Variants in RAD21L1 observed in about 807,000 individuals in gnomAD.
RAD21L1 encodes double-strand-break repair protein rad21-like protein 1.
Under a neutral mutation model 69.0 loss-of-function variants are expected in RAD21L1, and 47 were observed. That is an observed-to-expected ratio of 0.68 (90% CI 0.54 to 0.87). The LOEUF is 0.87. Ranked by LOEUF, RAD21L1 falls within the 40% of genes least tolerant of loss-of-function variation. RAD21L1 has a pLI of 0.00. For synonymous variants in RAD21L1, 177 were observed against 205.8 expected (o/e 0.86, Z 1.20); for missense variants, 583 against 647.6 (o/e 0.90, Z 1.08).
chr20:1,250,260 C>A (rs203528), intron 13 of RAD21L1, among the ~76,000 whole-genome samples: 85,398 of 146,036 alleles, frequency 0.58, 25,005 homozygotes, highest in African/African-American at 0.74. Flanking sequence ...TTCTTTTTTT[C>A]TTTTTTATTA....
chr20:1,239,537 G>A (rs1345280539), intron 7 of RAD21L1, 130 bp downstream of exon 7: 1 of 567,324 alleles, frequency 1.8e-6, no homozygotes, highest in Admixed American at 3.4e-5. Flanking sequence ...CTGTTAGTCT[G>A]ACTGTAGACA....
chr20:1,244,104 G>T lies in RAD21L1; in HGVS notation c.1242G>T (p.Trp414Cys), dbSNP rs1403067252. Reference protein sequence around the residue: ...YQQELSKPQTWKDVIGGSQHS... With the variant: ...YQQELSKPQTCKDVIGGSQHS... ...AAGAGTTAAGTAAACCCCAAACTTG[G>T]AAGGATGTGATTGGTGGATCTCAGC... Residue 414 changes from tryptophan (W) to cysteine (C), a missense_variant, in exon 11 of 14, where the codon TGG becomes TGT. Coordinates refer to ENST00000683101, the MANE Select transcript of RAD21L1 (RefSeq NM_001384355.1). 6.5e-7 allele frequency: 1 copy of T among 1,549,462 alleles called. No homozygotes were observed. The highest frequency in any genetic ancestry group is 1.4e-5 in the African/African-American group (1 of 72,982).
chr20:1,246,411 T>G lies in RAD21L1; in HGVS notation c.1401+106T>G. On this transcript the variant is annotated intron_variant, in intron 12 of 13. Coordinates refer to ENST00000683101, the MANE Select transcript of RAD21L1 (RefSeq NM_001384355.1). The surrounding 1 kb of genome is among the most constrained non-coding windows in gnomAD (Gnocchi z 4.6). The stretch of plus-strand genomic sequence containing the variant: ...CTTTTATAGCTGTCATGTTACTTTC[T>G]AAATTTATAATTTAAATTTGTGATT... 2.2e-6 allele frequency: 1 copy of G among 445,814 alleles called. No individual in the cohort carries two copies. Among genetic ancestry groups the G allele is most frequent in the Admixed American group, 4.4e-5 (1 of 22,874 alleles). The allele number at this position is 445,814 out of a possible 1,614,324, so 27.6% of individuals were successfully genotyped here.
At chr20:1,227,264 A>G (rs1389920338) in intron 1 of RAD21L1, among the ~76,000 whole-genome samples, 3 of 152,244 alleles carry the variant, frequency 2.0e-5, no homozygotes, top group Admixed American at 6.5e-5. Flanking sequence ...TAAAAAGATA[A>G]ATAGGAATTT....
chr20:1,241,614 G>C (rs951305308), intron 8 of RAD21L1, among the ~76,000 whole-genome samples: 1 of 152,104 alleles, frequency 6.6e-6, no homozygotes, highest in African/African-American at 2.4e-5. Context: ...TCCAAAGTTT[G>C]GGGGAGGGGT....
In RAD21L1 at chr20:1,242,730, T is replaced by C; in HGVS notation, c.968T>C (p.Met323Thr). 3 of 1,551,696 alleles carry C rather than the reference T, an allele frequency of 1.9e-6. No individual in the cohort carries two copies. Among genetic ancestry groups the C allele is most frequent in the East Asian group, 2.4e-5 (1 of 40,922 alleles). Residue 323 changes from methionine to threonine, a missense_variant, in exon 9 of 14, where the codon ATG (methionine) becomes ACG (threonine). Met to Thr is a moderately conservative substitution (Grantham distance 81, BLOSUM62 -1). Coordinates refer to ENST00000683101, the MANE Select transcript of RAD21L1 (RefSeq NM_001384355.1). ...KQLTSFADTL[M>T]VLELAPPTQR... ...CTTACTTCCTTTGCGGACACACTCA[T>C]GGTTTTGGAACTTGCACCTCCTACC...
At chr20:1,238,681 G>A (rs2087547581) in intron 6 of RAD21L1, among the ~76,000 whole-genome samples, 1 of 151,902 alleles carries the variant, frequency 6.6e-6, no homozygotes, top group Non-Finnish European at 1.5e-5. Context: ...CTATCCTCAA[G>A]GCCTTCTACC....
rs1015220989 is a variant in RAD21L1, at chr20:1,230,062, T to C, written c.274+53T>C. Reference sequence around the variant, plus strand: ...TTCTTGGTTCCCTTTTGCATTTTAATTGGGGGTGGGATCTTTTAATATACT... The same window carrying C: ...TTCTTGGTTCCCTTTTGCATTTTAACTGGGGGTGGGATCTTTTAATATACT... On this transcript the variant is annotated intron_variant, in intron 3 of 13. Coordinates refer to ENST00000683101, the MANE Select transcript of RAD21L1 (RefSeq NM_001384355.1). 8 of 1,399,186 alleles carry C rather than the reference T, an allele frequency of 5.7e-6. No individual in the cohort carries two copies. In the African/African-American group the frequency reaches 8.6e-5, roughly 15 times the overall value. 86.7% of individuals were successfully genotyped at this position (1,399,186 alleles called of 1,614,324 possible).
chr20:1,239,524 A>G (rs1014980689), intron 7 of RAD21L1, 117 bp downstream of exon 7: 21 of 618,928 alleles, frequency 3.4e-5, no homozygotes, highest in Non-Finnish European at 4.8e-5. Context: ...TGTCTTTCAG[A>G]CTCTGTTAGT....
At chr20:1,229,748 A>G (rs1303269081) in intron 2 of RAD21L1, 132 bp from the exon 3 acceptor site, 2 of 640,462 alleles carry the variant, frequency 3.1e-6, no homozygotes, top group Non-Finnish European at 5.1e-6. Context: ...GTAAAAAGTG[A>G]TATACTTTAA....
chr20:1,226,884 T>C (rs1343390728), intron 1 of RAD21L1, among the ~76,000 whole-genome samples: 1 of 152,264 alleles, frequency 6.6e-6, no homozygotes, highest in African/African-American at 2.4e-5. Flanking sequence ...GTTTGTTTTC[T>C]CTTTTAAGAA....
In RAD21L1 at chr20:1,246,747, A is replaced by C. The variant is rs2087725910; in HGVS notation, c.1401+442A>C. Reference sequence around the variant, plus strand: ...GTGGCACAAGGCTTGTATCTATACAAGGCTTCTGGAAATCTGAAACAAAAT... The same window carrying C: ...GTGGCACAAGGCTTGTATCTATACACGGCTTCTGGAAATCTGAAACAAAAT... On this transcript the variant is annotated intron_variant, in intron 12 of 13. Transcript: ENST00000683101. The surrounding 1 kb of genome is among the most constrained non-coding windows in gnomAD (Gnocchi z 4.6). Among the ~76,000 whole-genome samples the C allele has an allele frequency of 1.3e-5, 2 of 152,300 alleles. No homozygotes were observed. Among genetic ancestry groups the C allele is most frequent in the South Asian group, 4.1e-4 (2 of 4,834 alleles).
At chr20:1,230,935 G>A (rs193139757) in intron 3 of RAD21L1, 1 of 161,944 alleles carries the variant, frequency 6.2e-6, no homozygotes, top group Admixed American at 6.5e-5. Flanking sequence ...GATAATTAAA[G>A]TATTTTTAAA....
rs2087917938 is a variant in RAD21L1, at chr20:1,255,539, A to T, written c.*1082A>T. Among the ~76,000 whole-genome samples, 1 of 152,200 alleles carries T rather than the reference A, an allele frequency of 6.6e-6. No individual in the cohort carries two copies. Among genetic ancestry groups the T allele is most frequent in the Non-Finnish European group, 1.5e-5 (1 of 68,032 alleles). On this transcript the variant is annotated 3_prime_UTR_variant, in exon 14 of 14. Transcript: ENST00000683101. ...TAGCCTCTCTAAATGTGTTAACTAT[A>T]AATTTTAAATGGCAAAATTGCCTTT...
chr20:1,239,033 G>A (rs2087554630), intron 6 of RAD21L1, among the ~76,000 whole-genome samples: 1 of 151,998 alleles, frequency 6.6e-6, no homozygotes, highest in Non-Finnish European at 1.5e-5. Flanking sequence ...CACCATGTTG[G>A]TCAGGCTGAT....
chr20:1,231,998 T>C (rs2087400460), intron 4 of RAD21L1, among the ~76,000 whole-genome samples: 1 of 152,126 alleles, frequency 6.6e-6, no homozygotes, highest in Non-Finnish European at 1.5e-5. Flanking sequence ...CAGGAAATGA[T>C]CACCATTGTG....
At position 1,239,350 on chromosome 20, in the gene RAD21L1, G is replaced by C; in HGVS notation, c.685G>C (p.Asp229His). ...LQDDQNILLE[D>H]MHLNREISLP... ...AGATGATCAGAATATCCTGTTAGAA[G>C]ACATGCATTTGAACAGAGAAATTTC... Residue 229 changes from aspartate to histidine, a missense_variant, in exon 7 of 14, where the codon GAC (aspartate) becomes CAC (histidine). Coordinates refer to ENST00000683101, the MANE Select transcript of RAD21L1 (RefSeq NM_001384355.1). 6.5e-7 allele frequency: 1 copy of C among 1,550,096 alleles called. No homozygotes were observed. The highest frequency in any genetic ancestry group is 8.7e-7 in the Non-Finnish European group (1 of 1,145,604).
At chr20:1,248,130 C>T (rs1160692847) in intron 12 of RAD21L1, among the ~76,000 whole-genome samples, 1 of 149,196 alleles carries the variant, frequency 6.7e-6, no homozygotes, top group Non-Finnish European at 1.5e-5. Context: ...CAAGGCATCT[C>T]GAAATCTGAA....
intron 4 of RAD21L1, 70 bp from the exon 5 acceptor site, chr20:1,234,015 A>G: frequency 1.1e-5 from 8 of 715,858 alleles, no homozygotes; most frequent in Non-Finnish European, 1.7e-5. Context: ...TCTTCACTAT[A>G]TCAATGATAT....
Sources: allele counts gnomAD v4.1 joint callset (sites outside exome capture counted in the v4.1 genomes callset), GRCh38; gene constraint gnomAD v4.1.1; non-coding constraint Gnocchi (gnomAD v3.1); transcripts MANE v1.5; gene names NCBI Gene and HGNC (gene_info 2026-07-23, HGNC 2026-07-21).